DDX49: variants seen among roughly 807,000 people sequenced by gnomAD.
DDX49 encodes the protein probable ATP-dependent RNA helicase DDX49.
In DDX49, 50 loss-of-function variants were observed where a neutral mutation model predicts 56.3. The observed-to-expected ratio is 0.89, with a 90% CI of 0.71 to 1.12. DDX49 has a LOEUF of 1.12. Ranked by LOEUF, DDX49 falls within the 50% of genes most tolerant of loss-of-function variation. The probability of loss-of-function intolerance (pLI) is 0.00; values close to 1 mark genes in which losing one functional copy is unlikely to be tolerated. For missense variants in DDX49, 614 were observed against 650.5 expected, an observed-to-expected ratio of 0.94 and a Z score of 0.61; for synonymous variants, 269 against 270.6, an observed-to-expected ratio of 0.99 and a Z score of 0.06.
Position 18,928,348 on chromosome 19 carries a change from T to C in DDX49, c.*32T>C. 1 of 1,476,998 alleles carries C rather than the reference T, an allele frequency of 6.8e-7. No homozygotes were observed. Among genetic ancestry groups the C allele is most frequent in the South Asian group, 1.4e-5 (1 of 71,728 alleles). The allele number at this position is 1,476,998 out of a possible 1,614,324, so 91.5% of individuals were successfully genotyped here. A position where few individuals can be genotyped will look rare whatever the true frequency, so the allele number is the denominator to read the frequency against. ...CACGGCCATCTGCCCAGTCCTTGAC[T>C]CGTCCATGGAGCTGAGGGTCGGAGG... is the stretch of plus-strand genomic sequence containing the variant. On this transcript the variant is annotated 3_prime_UTR_variant, in exon 13 of 13. Transcript: ENST00000247003.
chr19:18,927,784 T>C lies in DDX49; in HGVS notation c.1121T>C (p.Phe374Ser). Residue 374 changes from phenylalanine to serine, a missense_variant, in exon 11 of 13, where the codon TTC becomes TCC. Transcript: ENST00000247003. ...CCCACAGAGAAGAAGCTGGAGGAGT[T>C]CTCCGTGGAAGAGGCCGAGGTGCTA... ...EEQIKKKLEE[F>S]SVEEAEVLQI... is the part of the protein sequence containing the mutation. 1 of 1,613,738 alleles carries C rather than the reference T, an allele frequency of 6.2e-7. No individual in the cohort carries two copies. Among genetic ancestry groups the C allele is most frequent in the Non-Finnish European group, 8.5e-7 (1 of 1,179,950 alleles).
chr19:18,925,419 G>C (rs1176278395), intron 9 of DDX49, among the ~76,000 whole-genome samples: 1 of 150,554 alleles, frequency 6.6e-6, no homozygotes, highest in Non-Finnish European at 1.5e-5. Context: ...GCCAGGCGTG[G>C]TGGAGGGTGC....
chr19:18,924,471 T>C (rs898652291), intron 7 of DDX49, 152 bp from the exon 8 acceptor site: 17 of 1,053,030 alleles, frequency 1.6e-5, no homozygotes, highest in East Asian at 2.5e-5. Flanking sequence ...CGCATCTCTT[T>C]TAGCCGTCAT....
rs1489048185 is a variant in DDX49 at position 18,928,274 on chromosome 19, T to C, written c.1410T>C (p.Ser470=). Residue 470 remains serine (S), a synonymous_variant, in exon 13 of 13, where the codon TCT becomes TCC. Coordinates refer to ENST00000247003, the MANE Select transcript of DDX49 (RefSeq NM_019070.5). The stretch of plus-strand genomic sequence containing the variant: ...AGGGGCGTCCACCCAGGACACCGTC[T>C]GGGTCCCACTCAGGCCCAGTCCCCT... The part of the protein sequence containing the change: ...GHKGRPPRTP[S]GSHSGPVPSQ... 6.3e-7 allele frequency: 1 copy of C among 1,583,012 alleles called. No homozygotes were observed. Among genetic ancestry groups the C allele is most frequent in the African/African-American group, 1.3e-5 (1 of 74,462 alleles).
intron 2 of DDX49, 88 bp downstream of exon 2, chr19:18,920,791 C>T: frequency 1.5e-6 from 2 of 1,375,716 alleles, no homozygotes; most frequent in Non-Finnish European, 2.0e-6. Context: ...GCCCTTTTCC[C>T]ACGTGTGAGA....
intron 7 of DDX49, 23 bp from the exon 8 acceptor site, chr19:18,924,600 A>G (rs371802790): frequency 2.5e-5 from 40 of 1,613,576 alleles, no homozygotes; most frequent in Non-Finnish European, 3.2e-5. Context: ...TGCATTCCCA[A>G]TTTTCTTCCC....
At chr19:18,922,085 A>G in intron 4 of DDX49, 121 bp downstream of exon 4, 1 of 1,367,640 alleles carries the variant, frequency 7.3e-7, no homozygotes, top group South Asian at 1.4e-5. Flanking sequence ...ACTGTCCAGT[A>G]AAACGCTAGG....
Position 18,922,625 on chromosome 19 carries a change from G to C in DDX49, c.657G>C (p.Leu219=), listed in dbSNP as rs1410276121. 6.2e-7 allele frequency: 1 copy of C among 1,613,472 alleles called. No homozygotes were observed. The highest frequency in any genetic ancestry group is 1.7e-5 in the Admixed American group (1 of 60,020). The change falls in exon 6 of 13, where the codon CTG becomes CTC. Residue 219 remains leucine, a synonymous_variant. Transcript: ENST00000247003. ...CCAGGGTGAGCACCGTGGAGCAGCTGGACCAGCGCTACCTGCTGGTGCCTG... is the reference window on the plus strand; with the variant it reads ...CCAGGGTGAGCACCGTGGAGCAGCTCGACCAGCGCTACCTGCTGGTGCCTG... The part of the protein sequence containing the change: ...AQAPVSTVEQ[L]DQRYLLVPEK...
rs773981287 is a variant in DDX49 at position 18,922,431 on chromosome 19, T to C, written c.553T>C (p.Phe185Leu). Residue 185 changes from phenylalanine (F) to leucine (L), a missense_variant, in exon 5 of 13, where the codon TTC (phenylalanine) becomes CTC (leucine). By Grantham distance (22) the Phe-to-Leu change is conservative (BLOSUM62 0). Transcript: ENST00000247003. ...AVPARRQTLL[F>L]SATLTDTLRE... ...GCCGGCCCGCAGGCAGACACTGCTG[T>C]TCAGCGCCACGCTGACCGACACACT... 5 of 1,607,648 alleles carry C rather than the reference T, an allele frequency of 3.1e-6. No individual in the cohort carries two copies. The highest frequency in any genetic ancestry group is 1.1e-5 in the South Asian group (1 of 90,468).
chr19:18,926,482 C>T (rs999088486), intron 10 of DDX49, 105 bp downstream of exon 10: 17 of 1,182,176 alleles, frequency 1.4e-5, no homozygotes, highest in Non-Finnish European at 1.9e-5. Context: ...CCGGCCTGCT[C>T]CCGTGAGCAG....
Position 18,922,454 on chromosome 19 carries a change from A to G in DDX49, c.576A>G (p.Thr192=). ...TGTTCAGCGCCACGCTGACCGACAC[A>G]CTCCGGGAGCTGCAGGGTCTGGCCA... The part of the protein sequence containing the change: ...TLLFSATLTD[T]LRELQGLATN... Residue 192 remains threonine, a synonymous_variant, in exon 5 of 13, where the codon ACA becomes ACG. Transcript: ENST00000247003. 6.2e-7 allele frequency: 1 copy of G among 1,604,004 alleles called. No homozygotes were observed. The highest frequency in any genetic ancestry group is 2.2e-5 in the East Asian group (1 of 44,658).
At position 18,928,576 on chromosome 19, in the gene DDX49, C is replaced by A; in HGVS notation, c.*260C>A. ...TTGTGACCCCAACCCAAGGTCACCC[C>A]CCAGGGGTGCCGCATACAGGAGGTG... is the stretch of plus-strand genomic sequence containing the variant. On this transcript the variant is annotated 3_prime_UTR_variant, in exon 13 of 13. Transcript: ENST00000247003. 4.1e-6 allele frequency: 2 copies of A among 484,594 alleles called. No individual in the cohort carries two copies. The highest frequency in any genetic ancestry group is 7.3e-6 in the Non-Finnish European group (2 of 274,900). The allele number at this position is 484,594 out of a possible 1,614,324, so 30.0% of individuals were successfully genotyped here. A position where few individuals can be genotyped will look rare whatever the true frequency, so the allele number is the denominator to read the frequency against.
At position 18,926,314 on chromosome 19, in the gene DDX49, C is replaced by A; in HGVS notation, c.1039C>A (p.Gln347Lys). Residue 347 changes from glutamine to lysine, a missense_variant, in exon 10 of 13, where the codon CAG (glutamine) becomes AAG (lysine). Transcript: ENST00000247003. ...GCACATCCCCACAGGGCGGCAGGGT[C>A]AGGCCATCACGCTGGTGACACAGTA... Reference protein sequence around the residue: ...GRTARAGRQGQAITLVTQYDI... With the variant: ...GRTARAGRQGKAITLVTQYDI... The A allele has an allele frequency of 6.4e-7, 1 of 1,573,322 alleles. No individual in the cohort carries two copies.
intron 1 of DDX49, 120 bp downstream of exon 1, chr19:18,919,976 G>A: frequency 1.4e-6 from 1 of 697,546 alleles, no homozygotes; most frequent in Non-Finnish European, 2.3e-6. Flanking sequence ...GGCGTTACAG[G>A]AGATCCGGGG....
rs780495314 is a variant in DDX49, at chr19:18,922,314, T to C, written c.448-12T>C. ...GACGGCACCCTCACCCCTGCCCCCA[T>C]TGGCACGGCAGGTGATGGATGAGGC... On this transcript the variant is annotated splice_polypyrimidine_tract_variant and intron_variant, in intron 4 of 12. Transcript: ENST00000247003. 27 of 1,608,326 alleles carry C rather than the reference T, an allele frequency of 1.7e-5. No homozygotes were observed. Among genetic ancestry groups the C allele is most frequent in the Non-Finnish European group, 2.3e-5 (27 of 1,178,382 alleles).
At chr19:18,922,044 C>G (rs2056922217) in intron 4 of DDX49, 80 bp downstream of exon 4, 1 of 1,523,392 alleles carries the variant, frequency 6.6e-7, no homozygotes, top group African/African-American at 1.4e-5. Flanking sequence ...GGGGCACCAT[C>G]TCATCCATTT....
chr19:18,921,672 C>A lies in DDX49; in HGVS notation c.249C>A (p.Ala83=), dbSNP rs1400762338. Residue 83 remains alanine, a synonymous_variant, in exon 3 of 13, where the codon GCC becomes GCA. Transcript: ENST00000247003. ...CLVLTPTREL[A]YQIAEQFRVL... The stretch of plus-strand genomic sequence containing the variant: ...CCCTTCACACCCACAGGGAGCTGGC[C>A]TACCAGATCGCAGAGCAGTTCCGGG... The A allele has an allele frequency of 2.5e-6, 4 of 1,613,994 alleles. No homozygotes were observed. Among genetic ancestry groups the A allele is most frequent in the Non-Finnish European group, 3.4e-6 (4 of 1,180,024 alleles).
At chr19:18,926,413 G>C in intron 10 of DDX49, 36 bp downstream of exon 10, 1 of 1,393,940 alleles carries the variant, frequency 7.2e-7, no homozygotes, top group Non-Finnish European at 9.9e-7. Flanking sequence ...GAGAAGGAGG[G>C]GTGGGGTGGG....
chr19:18,919,990 C>T, intron 1 of DDX49, 134 bp downstream of exon 1: 1 of 609,388 alleles, frequency 1.6e-6, no homozygotes, highest in Non-Finnish European at 2.8e-6. Context: ...TCCGGGGTTC[C>T]GGAGGACGAC....
Sources: gnomAD v4.1 joint callset for allele counts (sites outside exome capture counted in the v4.1 genomes callset) on GRCh38, gnomAD v4.1.1 for gene constraint, MANE v1.5 for transcripts, NCBI Gene and HGNC (gene_info 2026-07-23, HGNC 2026-07-21) for gene names.